Variants in ADAM17 observed in about 807,000 individuals in gnomAD.
The protein encoded by ADAM17 is disintegrin and metalloproteinase domain-containing protein 17.
ADAM17 carries 39 observed loss-of-function variants against 96.7 expected under a neutral mutation model. The observed-to-expected ratio is 0.40, with a 90% CI of 0.31 to 0.53. The LOEUF (loss-of-function observed/expected upper bound fraction) is 0.53, where lower values mean the gene tolerates loss of function less well. Ranked by LOEUF, ADAM17 falls within the 20% of genes least tolerant of loss-of-function variation. The pLI is 0.44. For synonymous variants in ADAM17, 344 were observed against 359.2 expected (o/e 0.96, Z 0.48); for missense variants, 777 against 1,013.2 (o/e 0.77, Z 3.17).
chr2:9,503,249 C>T lies in ADAM17; in HGVS notation c.1545-973G>A, dbSNP rs142147982. The stretch of plus-strand genomic sequence containing the variant: ...CTCTACTCCCCATCAGTATTTACAG[C>T]GTTAATATGCACTGTATCCAGTTAA... On this transcript the variant is annotated intron_variant, in intron 12 of 18. Coordinates refer to ENST00000310823, the MANE Select transcript of ADAM17 (RefSeq NM_003183.6). Among the ~76,000 whole-genome samples the T allele has an allele frequency of 2.2e-4, 34 of 151,914 alleles. No homozygotes were observed. The East Asian group carries it at 4.3e-3, about 19-fold the overall frequency.
intron 15 of ADAM17, among the ~76,000 whole-genome samples, 172 bp downstream of exon 15, chr2:9,494,465 G>C (rs563946661): frequency 3.0e-4 from 45 of 152,254 alleles, no homozygotes; most frequent in Non-Finnish European, 5.9e-4. Context: ...TACAGGCAGG[G>C]ACCTGAAAGC....
chr2:9,503,636 C>T lies in ADAM17; in HGVS notation c.1545-1360G>A, dbSNP rs1282440680. 3.3e-5 allele frequency among the ~76,000 whole-genome samples: 5 copies of T among 151,948 alleles called. No individual in the cohort carries two copies. In the East Asian group the frequency reaches 5.8e-4, roughly 18 times the overall value. ...CAGGCAGATCACGAAGTCAGGAGTTCGAGACCAGCCTGGCCAACATGGTGA... is the reference window on the plus strand; with the variant it reads ...CAGGCAGATCACGAAGTCAGGAGTTTGAGACCAGCCTGGCCAACATGGTGA... On this transcript the variant is annotated intron_variant, in intron 12 of 18. Coordinates refer to ENST00000310823, the MANE Select transcript of ADAM17 (RefSeq NM_003183.6).
chr2:9,548,054 CAGA>C (rs1665459657), intron 1 of ADAM17, among the ~76,000 whole-genome samples: 2 of 148,178 alleles, frequency 1.3e-5, no homozygotes, highest in Non-Finnish European at 3.0e-5. Context: ...GCAACGAGGC[CAGA>C]TCCTGTCTCA....
intron 12 of ADAM17, among the ~76,000 whole-genome samples, chr2:9,504,302 A>T (rs1234834631): frequency 6.6e-6 from 1 of 151,598 alleles, no homozygotes; most frequent in Non-Finnish European, 1.5e-5. Flanking sequence ...AAAATCAGCC[A>T]GGCGTGATGG....
At position 9,493,786 on chromosome 2, in the gene ADAM17, A is replaced by G. The variant is rs780262610; in HGVS notation, c.1954T>C (p.Phe652Leu). Residue 652 changes from phenylalanine to leucine, a missense_variant, in exon 16 of 19, where the codon TTT becomes CTT. This residue lies in a region of ADAM17 where 197 missense variants were observed against 219.4 expected (regional missense o/e 0.90). Transcript: ENST00000310823. Reference protein sequence around the residue: ...EKRVQDVIERFWDFIDQLSIN... With the variant: ...EKRVQDVIERLWDFIDQLSIN... ...CTCAGCTGGTCAATGAAATCCCAAA[A>G]TCGTTCAATTACATCCTGTACTCGT... 6.2e-7 allele frequency: 1 copy of G among 1,614,058 alleles called. No homozygotes were observed. The highest frequency in any genetic ancestry group is 1.7e-4 in the Middle Eastern group (1 of 6,058).
At chr2:9,549,817 C>T (rs191766285) in intron 1 of ADAM17, among the ~76,000 whole-genome samples, 4 of 152,266 alleles carry the variant, frequency 2.6e-5, no homozygotes, top group Admixed American at 2.0e-4. Flanking sequence ...CCGCGCCCAG[C>T]TTGTGGATTT....
intron 13 of ADAM17, among the ~76,000 whole-genome samples, chr2:9,498,950 A>G (rs1662814200): frequency 1.3e-5 from 2 of 152,142 alleles, no homozygotes; most frequent in African/African-American, 4.8e-5. Flanking sequence ...CATGGAAATC[A>G]CCTGACAGAA....
chr2:9,502,279 G>A lies in ADAM17; in HGVS notation c.1545-3C>T, dbSNP rs530711727. ...TACAGCAAGGACTGTTCCTGTCACT[G>A]GAGAAGAACAGCAGACAGGAACAGA... On this transcript the variant is annotated splice_region_variant and splice_polypyrimidine_tract_variant and intron_variant, in intron 12 of 18. Coordinates refer to ENST00000310823, the MANE Select transcript of ADAM17 (RefSeq NM_003183.6). 3.1e-6 allele frequency: 5 copies of A among 1,607,400 alleles called. No individual in the cohort carries two copies. The highest frequency in any genetic ancestry group is 4.3e-6 in the Non-Finnish European group (5 of 1,174,640).
intron 4 of ADAM17, among the ~76,000 whole-genome samples, chr2:9,533,615 T>C (rs1012057301): frequency 6.6e-6 from 1 of 152,228 alleles, no homozygotes; most frequent in Non-Finnish European, 1.5e-5. Flanking sequence ...AAAACAATGC[T>C]GTGCATTTAC....
rs1056819058 is a variant in ADAM17, at chr2:9,489,746, A to C, written c.*431T>G. The C allele has an allele frequency of 2.8e-5, 4 of 143,116 alleles. No individual in the cohort carries two copies. In the East Asian group the frequency reaches 6.0e-4, roughly 21 times the overall value. 8.9% of individuals were successfully genotyped at this position (143,116 alleles called of 1,614,324 possible). A position where few individuals can be genotyped will look rare whatever the true frequency, so the allele number is the denominator to read the frequency against. On this transcript the variant is annotated 3_prime_UTR_variant, in exon 19 of 19. Coordinates refer to ENST00000310823, the MANE Select transcript of ADAM17 (RefSeq NM_003183.6). ...AAGGCAAAAAAAAAAAAAAAAAAAA[A>C]AAACTATTCCAGTTGTCATCACAAA... is the stretch of plus-strand genomic sequence containing the variant.
At chr2:9,545,604 A>C (rs1437451513) in intron 1 of ADAM17, among the ~76,000 whole-genome samples, 2 of 152,110 alleles carry the variant, frequency 1.3e-5, no homozygotes, top group African/African-American at 4.8e-5. Context: ...GAACTAAGCT[A>C]AAGGAAGGTA....
chr2:9,540,607 C>T (rs1403081272), intron 2 of ADAM17, among the ~76,000 whole-genome samples: 1 of 151,986 alleles, frequency 6.6e-6, no homozygotes, highest in East Asian at 1.9e-4. Flanking sequence ...AGGATAATTG[C>T]AATAGCTAGG....
At chr2:9,491,019 C>G (rs1330163832) in intron 18 of ADAM17, 82 bp downstream of exon 18, 1 of 1,290,852 alleles carries the variant, frequency 7.7e-7, no homozygotes, top group African/African-American at 1.5e-5. Context: ...AGTGAAAGCT[C>G]TTGCTGGGTC....
rs147631146 is a variant in ADAM17, at chr2:9,508,365, C to T, written c.1344+1614G>A. Among the ~76,000 whole-genome samples, 17 of 152,292 alleles carry T rather than the reference C, an allele frequency of 1.1e-4. No homozygotes were observed. The East Asian group carries it at 1.9e-3, about 17-fold the overall frequency. On this transcript the variant is annotated intron_variant, in intron 11 of 18. Coordinates refer to ENST00000310823, the MANE Select transcript of ADAM17 (RefSeq NM_003183.6). Reference sequence around the variant, plus strand: ...TATGACTTCACAGCTCCTCTACATCCGCGCTACTTTTCCTCTGCTCCCACA... The same window carrying T: ...TATGACTTCACAGCTCCTCTACATCTGCGCTACTTTTCCTCTGCTCCCACA...
chr2:9,542,261 C>A (rs937101346), intron 2 of ADAM17, among the ~76,000 whole-genome samples: 2 of 152,016 alleles, frequency 1.3e-5, no homozygotes, highest in Non-Finnish European at 1.5e-5. Context: ...AAATTTGGGC[C>A]AGGCATGGTG....
chr2:9,508,490 A>G (rs970315650), intron 11 of ADAM17, among the ~76,000 whole-genome samples: 4 of 152,252 alleles, frequency 2.6e-5, no homozygotes, highest in African/African-American at 4.8e-5. Context: ...GTGATTTCTA[A>G]TAACTTTACC....
At chr2:9,534,244 C>CT (rs1363023439) in intron 4 of ADAM17, among the ~76,000 whole-genome samples, 2 of 152,174 alleles carry the variant, frequency 1.3e-5, no homozygotes, top group African/African-American at 2.4e-5. Flanking sequence ...TAGCATGTGC[C>CT]TGTAGTCTGA....
At chr2:9,553,732 T>G (rs1319821848) in intron 1 of ADAM17, among the ~76,000 whole-genome samples, 3 of 150,750 alleles carry the variant, frequency 2.0e-5, no homozygotes, top group South Asian at 4.2e-4. Flanking sequence ...AGTCTATGCA[T>G]TCTTCTGGCA....
In ADAM17 at chr2:9,518,262, A is replaced by C; in HGVS notation, c.958-15T>G. 6 of 1,067,130 alleles carry C rather than the reference A, an allele frequency of 5.6e-6. No individual in the cohort carries two copies. Among genetic ancestry groups the C allele is most frequent in the Non-Finnish European group, 7.5e-6 (6 of 801,880 alleles). 66.1% of individuals were successfully genotyped at this position (1,067,130 alleles called of 1,614,324 possible). A position where few individuals can be genotyped will look rare whatever the true frequency, so the allele number is the denominator to read the frequency against. ...AAGCTAAATTGCTTTGAAAGACCAAAAAAAAAAAAAAAAAAAAAAGCATTC... is the reference window on the plus strand; with the variant it reads ...AAGCTAAATTGCTTTGAAAGACCAACAAAAAAAAAAAAAAAAAAAGCATTC... On this transcript the variant is annotated splice_polypyrimidine_tract_variant and intron_variant, in intron 8 of 18. Coordinates refer to ENST00000310823, the MANE Select transcript of ADAM17 (RefSeq NM_003183.6).
Sources: allele counts gnomAD v4.1 joint callset (sites outside exome capture counted in the v4.1 genomes callset), GRCh38; gene constraint gnomAD v4.1.1; regional missense constraint gnomAD v4.1.1; transcripts MANE v1.5; gene names NCBI Gene and HGNC (gene_info 2026-07-23, HGNC 2026-07-21).